CHST12: variants seen among roughly 807,000 people sequenced by gnomAD.
The protein encoded by CHST12 is carbohydrate (chondroitin 4) sulfotransferase 12.
CHST12 carries 23 observed loss-of-function variants against 27.9 expected under a neutral mutation model. That is an observed-to-expected ratio of 0.82 (90% CI 0.59 to 1.17). The LOEUF (loss-of-function observed/expected upper bound fraction) is 1.17. Among genes scored for constraint, CHST12 ranks in the 50% most tolerant of loss-of-function variants. The probability of loss-of-function intolerance (pLI) is 0.00; values close to 1 mark genes in which losing one functional copy is unlikely to be tolerated. For synonymous variants in CHST12, 322 were observed against 273.0 expected (o/e 1.18, Z -1.77); for missense variants, 682 against 603.0 (o/e 1.13, Z -1.37).
chr7:2,422,141 A>G (rs1205886257), intron 1 of CHST12, among the ~76,000 whole-genome samples: 1 of 150,662 alleles, frequency 6.6e-6, no homozygotes, highest in East Asian at 1.9e-4. Context: ...GATGTGACTG[A>G]CTCCCCTGCA....
At chr7:2,415,894 G>A (rs754022551) in intron 1 of CHST12, among the ~76,000 whole-genome samples, 2 of 152,190 alleles carry the variant, frequency 1.3e-5, no homozygotes, top group African/African-American at 2.4e-5. Flanking sequence ...GATTACAAGC[G>A]TGAGCCACCG....
chr7:2,417,484 G>C lies in CHST12; in HGVS notation c.-78+13811G>C, dbSNP rs541756879. On this transcript the variant is annotated intron_variant, in intron 1 of 1. Transcript: ENST00000618655. Reference sequence around the variant, plus strand: ...AGCTCACTGCAACCTCCGCCTCCCAGGTTCAAACTATTCTCCTGCCTCAAC... The same window carrying C: ...AGCTCACTGCAACCTCCGCCTCCCACGTTCAAACTATTCTCCTGCCTCAAC... Among the ~76,000 whole-genome samples the C allele has an allele frequency of 1.3e-4, 19 of 150,238 alleles. 1 individual carries two copies. The South Asian group carries it at 3.8e-3, about 30-fold the overall frequency.
chr7:2,433,313 A>G lies in CHST12; in HGVS notation c.674A>G (p.Lys225Arg). ...AACAAGTTCTGGCGCCGCTACGGGA[A>G]GCTCTCCCGCCACCTCATGAAGGTC... ...TFNKFWRRYG[K>R]LSRHLMKVKL... is the part of the protein sequence containing the mutation. The change falls in exon 2 of 2, where the codon AAG becomes AGG. Residue 225 changes from lysine (K) to arginine (R), a missense_variant. Physicochemically the swap from Lys to Arg is conservative, Grantham distance 26. Transcript: ENST00000618655. The surrounding 1 kb of genome is among the most constrained non-coding windows in gnomAD (Gnocchi z 6.1). 2 of 1,612,558 alleles carry G rather than the reference A, an allele frequency of 1.2e-6. No homozygotes were observed. Among genetic ancestry groups the G allele is most frequent in the Non-Finnish European group, 8.5e-7 (1 of 1,179,496 alleles).
At chr7:2,405,797 A>C (rs896035970) in intron 1 of CHST12, among the ~76,000 whole-genome samples, 1 of 152,194 alleles carries the variant, frequency 6.6e-6, no homozygotes, top group African/African-American at 2.4e-5. Flanking sequence ...AGGAAGGGCC[A>C]CACAAACACA....
chr7:2,410,081 C>T (rs777397383), intron 1 of CHST12, among the ~76,000 whole-genome samples: 8 of 152,100 alleles, frequency 5.3e-5, no homozygotes, highest in South Asian at 2.1e-4. Flanking sequence ...CACGCCCGGC[C>T]GAGCGCTTTC....
In CHST12 at chr7:2,432,942, G is replaced by A. The variant is rs750173383; in HGVS notation, c.303G>A (p.Val101=). ...PPAPGSMEES[V]RGYDWSPRDA... is the part of the protein sequence containing the mutation. The stretch of plus-strand genomic sequence containing the variant: ...CGCCGGGGAGCATGGAGGAGAGCGT[G>A]AGAGGCTACGACTGGTCCCCGCGCG... Residue 101 remains valine, a synonymous_variant, in exon 2 of 2, where the codon GTG becomes GTA. Coordinates refer to ENST00000618655, the MANE Select transcript of CHST12 (RefSeq NM_018641.5). 2.5e-6 allele frequency: 4 copies of A among 1,612,208 alleles called. No individual in the cohort carries two copies. In the South Asian group the frequency reaches 4.4e-5, roughly 18 times the overall value.
chr7:2,416,967 CTT>C (rs2115403366), intron 1 of CHST12, among the ~76,000 whole-genome samples: 1 of 152,312 alleles, frequency 6.6e-6, no homozygotes, highest in Non-Finnish European at 1.5e-5. Flanking sequence ...GGCAGCTTTT[CTT>C]TTGCGTAACT....
chr7:2,407,632 C>T (rs1047648331), intron 1 of CHST12, among the ~76,000 whole-genome samples: 1 of 152,020 alleles, frequency 6.6e-6, no homozygotes, highest in Admixed American at 6.6e-5. Flanking sequence ...CACTTCTCAG[C>T]TTGGATATTA....
At chr7:2,423,243 C>T (rs978914738) in intron 1 of CHST12, among the ~76,000 whole-genome samples, 4 of 151,680 alleles carry the variant, frequency 2.6e-5, no homozygotes, top group East Asian at 1.9e-4. Flanking sequence ...ACTGTAGTCC[C>T]GCCTGGGTGA....
Position 2,416,113 on chromosome 7 carries a change from A to C in CHST12, c.-78+12440A>C, listed in dbSNP as rs911001479. Among the ~76,000 whole-genome samples the C allele has an allele frequency of 4.6e-5, 7 of 152,218 alleles. No individual in the cohort carries two copies. The East Asian group carries it at 1.3e-3, about 29-fold the overall frequency. ...GGAATATTCTAAATCTTTTCTGGTC[A>C]TCTCAGCAGCGTTCATAGCATCTTT... On this transcript the variant is annotated intron_variant, in intron 1 of 1. Transcript: ENST00000618655.
In CHST12 at chr7:2,441,774, A is replaced by G. The variant is rs1782612446; in HGVS notation, c.*7890A>G. 6.6e-6 allele frequency: 1 copy of G among 152,150 alleles called. No homozygotes were observed. The highest frequency in any genetic ancestry group is 2.4e-5 in the African/African-American group (1 of 41,432). The allele number at this position is 152,150 out of a possible 1,614,324, so 9.4% of individuals were successfully genotyped here. ...TAGAAGAGTGGGTTTCTCATAAGAA[A>G]AAAAAGAAAAAGGTTGACCTTGTAA... is the stretch of plus-strand genomic sequence containing the variant. On this transcript the variant is annotated 3_prime_UTR_variant, in exon 2 of 2. Coordinates refer to ENST00000618655, the MANE Select transcript of CHST12 (RefSeq NM_018641.5).
At chr7:2,425,234 AAAAC>A (rs1296540901) in intron 1 of CHST12, among the ~76,000 whole-genome samples, 515 of 150,504 alleles carry the variant, frequency 3.4e-3, no homozygotes, top group African/African-American at 0.012. Context: ...AAACAAAAAA[AAAAC>A]GTAAAAAAAC....
rs371898394 is a variant in CHST12, at chr7:2,405,892, A to G, written c.-78+2219A>G. Among the ~76,000 whole-genome samples, 8 of 152,246 alleles carry G rather than the reference A, an allele frequency of 5.3e-5. No homozygotes were observed. The South Asian group carries it at 1.7e-3, about 32-fold the overall frequency. ...CTGGTGGAGAAGAGACAGCCTGTAC[A>G]AGGAGGGAATCCCCAGGAACCCCAG... On this transcript the variant is annotated intron_variant, in intron 1 of 1. Coordinates refer to ENST00000618655, the MANE Select transcript of CHST12 (RefSeq NM_018641.5).
At position 2,444,958 on chromosome 7, in the gene CHST12, T is replaced by C. The variant is rs1782714403; in HGVS notation, c.*11074T>C. On this transcript the variant is annotated 3_prime_UTR_variant, in exon 2 of 2. Transcript: ENST00000618655. ...AAAAACAATCTGGATGAAATGGTTT[T>C]TGCCATTTCAATTGGTTCTCTTCCA... 1 of 152,212 alleles carries C rather than the reference T, an allele frequency of 6.6e-6. No homozygotes were observed. The allele number at this position is 152,212 out of a possible 1,614,324, so 9.4% of individuals were successfully genotyped here. A position where few individuals can be genotyped will look rare whatever the true frequency, so the allele number is the denominator to read the frequency against.
At position 2,432,644 on chromosome 7, in the gene CHST12, C is replaced by T. The variant is rs749112375; in HGVS notation, c.5C>T (p.Thr2Ile). ...GCCCAGCCCGCCCGGGGCAGGATGA[C>T]CAAGGCCCGGCTGTTCCGGCTGTGG... M[T>I]KARLFRLWLV... Residue 2 changes from threonine (T) to isoleucine (I), a missense_variant, in exon 2 of 2, where the codon ACC becomes ATC. Physicochemically the swap from Thr to Ile is moderately conservative, Grantham distance 89 (BLOSUM62 -1). Transcript: ENST00000618655. 1.2e-5 allele frequency: 20 copies of T among 1,605,522 alleles called. No individual in the cohort carries two copies. The East Asian group carries it at 2.9e-4, about 23-fold the overall frequency.
chr7:2,430,904 T>C (rs928686573), intron 1 of CHST12, among the ~76,000 whole-genome samples: 2 of 152,238 alleles, frequency 1.3e-5, no homozygotes, highest in African/African-American at 2.4e-5. Context: ...TCAATTCTTT[T>C]AAATTAGCTG....
chr7:2,431,785 G>C (rs1340737647), intron 1 of CHST12, among the ~76,000 whole-genome samples: 1 of 152,192 alleles, frequency 6.6e-6, no homozygotes, highest in Non-Finnish European at 1.5e-5. Flanking sequence ...GTAGGGTGCA[G>C]TTTTTCCATT....
Position 2,422,093 on chromosome 7 carries a change from G to A in CHST12, c.-77-10470G>A, listed in dbSNP as rs151145781. On this transcript the variant is annotated intron_variant, in intron 1 of 1. Coordinates refer to ENST00000618655, the MANE Select transcript of CHST12 (RefSeq NM_018641.5). ...CTTAGGTACAGAATTCGTGGACGGC[G>A]GCAGCATCCCTGGCCTCTGGCGTCT... is the stretch of plus-strand genomic sequence containing the variant. Among the ~76,000 whole-genome samples the A allele has an allele frequency of 7.4e-3, 1,129 of 152,180 alleles. 22 individuals are homozygous for A. The highest frequency in any genetic ancestry group is 0.022 in the African/African-American group (911 of 41,520).
Position 2,441,903 on chromosome 7 carries a change from C to T in CHST12, c.*8019C>T, listed in dbSNP as rs759853102. On this transcript the variant is annotated 3_prime_UTR_variant, in exon 2 of 2. Coordinates refer to ENST00000618655, the MANE Select transcript of CHST12 (RefSeq NM_018641.5). Reference sequence around the variant, plus strand: ...AAGATACATGCAACATAAAATGTGCCCTCTTCCCCATTTTTAAGTGAACAG... The same window carrying T: ...AAGATACATGCAACATAAAATGTGCTCTCTTCCCCATTTTTAAGTGAACAG... 1.6e-4 allele frequency: 24 copies of T among 151,830 alleles called. 1 individual carries two copies. Among genetic ancestry groups the T allele is most frequent in the Non-Finnish European group, 3.1e-4 (21 of 67,990 alleles). The allele number at this position is 151,830 out of a possible 1,614,324, so 9.4% of individuals were successfully genotyped here. A position where few individuals can be genotyped will look rare whatever the true frequency, so the allele number is the denominator to read the frequency against.
Sources: gnomAD v4.1 joint callset for allele counts (sites outside exome capture counted in the v4.1 genomes callset) on GRCh38, gnomAD v4.1.1 for gene constraint, Gnocchi (gnomAD v3.1) non-coding constraint, MANE v1.5 for transcripts, NCBI Gene and HGNC (gene_info 2026-07-23, HGNC 2026-07-21) for gene names.